The following CDHR2 variants were observed in gnomAD, a reference collection of about 807,000 sequenced individuals.
The protein encoded by CDHR2 is cadherin related family member 2, also known as cadherin-related family member 2.
CDHR2 carries 104 observed loss-of-function variants against 138.6 expected under a neutral mutation model. That is an observed-to-expected ratio of 0.75 (90% CI 0.64 to 0.88). The LOEUF is 0.88. Ranked by LOEUF, CDHR2 falls within the 40% of genes least tolerant of loss-of-function variation. CDHR2 has a pLI of 0.00. For synonymous variants in CDHR2, 755 were observed against 742.8 expected (o/e 1.02, Z -0.27); for missense variants, 1,624 against 1,727.6 (o/e 0.94, Z 1.06).
At chr5:176,571,776 T>C (rs1758239963) in intron 6 of CDHR2, among the ~76,000 whole-genome samples, 1 of 152,058 alleles carries the variant, frequency 6.6e-6, no homozygotes, top group Admixed American at 6.6e-5. Context: ...GACCTCGTGA[T>C]CCGCACGCCT....
intron 3 of CDHR2, among the ~76,000 whole-genome samples, chr5:176,566,428 G>T (rs1758081778): frequency 6.6e-6 from 1 of 152,208 alleles, no homozygotes; most frequent in African/African-American, 2.4e-5. Flanking sequence ...TTCCCAGAAG[G>T]CAGGATATAG....
upstream of CDHR2, among the ~76,000 whole-genome samples, chr5:176,549,018 G>A (rs979227322): frequency 1.3e-5 from 2 of 152,164 alleles, no homozygotes; most frequent in African/African-American, 2.4e-5. Flanking sequence ...CTGAAGACTC[G>A]TAGCAGGGAG....
rs1387783742 is a variant in CDHR2, at chr5:176,553,252, G to A, written c.-16+3838G>A. ...AAAACCCAGGAGCCTAGAAAAGAGA[G>A]AAGGCACAGGCCTGGCTTGGGTTCT... On this transcript the variant is annotated intron_variant, in intron 1 of 31. Coordinates refer to ENST00000261944, the MANE Select transcript of CDHR2 (RefSeq NM_017675.6). This position sits in a 1 kb window ranked among gnomAD's most constrained non-coding sequence, Gnocchi z 4.3. 3.3e-5 allele frequency among the ~76,000 whole-genome samples: 5 copies of A among 152,208 alleles called. No individual in the cohort carries two copies. Among genetic ancestry groups the A allele is most frequent in the Non-Finnish European group, 5.9e-5 (4 of 68,040 alleles).
At chr5:176,542,517 G>A (rs973840681) in exon 1 of CDHR2, 2 of 152,182 alleles carry the variant, frequency 1.3e-5, no homozygotes, top group African/African-American at 4.8e-5. Context: ...CTGCAAAGGG[G>A]GCAGGAACCG....
chr5:176,566,622 TCTTCCCGCTCAGTGGCCCGA>T (rs1438530269), intron 3 of CDHR2, among the ~76,000 whole-genome samples: 70 of 152,164 alleles, frequency 4.6e-4, no homozygotes, highest in Non-Finnish European at 5.9e-4. Flanking sequence ...CACGCAGCCT[TCTTCCCGCTCAGTGGCCCGA>T]CTTCCCTAAG....
At chr5:176,592,488 ATGGTGGTGG>A (rs1183829184) in intron 30 of CDHR2, among the ~76,000 whole-genome samples, 2 of 119,722 alleles carry the variant, frequency 1.7e-5, no homozygotes, top group Admixed American at 1.6e-4. Context: ...GGTGATGGTG[ATGGTGGTGG>A]TGATAGTGAT....
At chr5:176,558,848 A>G (rs561542542) in intron 1 of CDHR2, among the ~76,000 whole-genome samples, 1 of 152,166 alleles carries the variant, frequency 6.6e-6, no homozygotes, top group Non-Finnish European at 1.5e-5. Context: ...ATGGTATCAT[A>G]AGTTCATCCC....
chr5:176,594,040 G>A (rs3811872), intron 31 of CDHR2, among the ~76,000 whole-genome samples: 1 of 152,014 alleles, frequency 6.6e-6, no homozygotes, highest in African/African-American at 2.4e-5. Flanking sequence ...CTGTGGCAGA[G>A]GCTGATGCTG....
chr5:176,564,582 G>A (rs1758039221), intron 1 of CDHR2, among the ~76,000 whole-genome samples: 1 of 152,144 alleles, frequency 6.6e-6, no homozygotes, highest in African/African-American at 2.4e-5. Flanking sequence ...ACAAGGGACG[G>A]CTTGCAACAT....
intron 1 of CDHR2, among the ~76,000 whole-genome samples, chr5:176,552,470 CT>C (rs1757728037): frequency 6.6e-6 from 1 of 152,218 alleles, no homozygotes; most frequent in Non-Finnish European, 1.5e-5. Context: ...GACCCAGGAC[CT>C]CCAAGGACCT....
In CDHR2 at chr5:176,575,282, C is replaced by T; in HGVS notation, c.624C>T (p.Asp208=). ...CACGGGTGGCCATCTCCCCGCAGGA[C>T]TTGGGCGGCATGTACCACAACACCT... ...AFYQLELKAC[D]LGGMYHNTFT... is the part of the protein sequence containing the mutation. Residue 208 remains aspartate, a splice_region_variant and synonymous_variant, in exon 9 of 32, where the codon GAC becomes GAT. Transcript: ENST00000261944. 6.2e-7 allele frequency: 1 copy of T among 1,614,226 alleles called. No homozygotes were observed. The highest frequency in any genetic ancestry group is 8.5e-7 in the Non-Finnish European group (1 of 1,180,038).
intron 31 of CDHR2, among the ~76,000 whole-genome samples, chr5:176,595,066 T>C (rs574669903): frequency 3.9e-5 from 6 of 152,170 alleles, no homozygotes; most frequent in Non-Finnish European, 8.8e-5. Context: ...TCTTCACCAG[T>C]AGACCTCTCT....
chr5:176,575,920 C>G (rs1340119041), intron 11 of CDHR2, 32 bp from the exon 12 acceptor site: 1 of 1,588,412 alleles, frequency 6.3e-7, no homozygotes, highest in Non-Finnish European at 8.6e-7. Context: ...AGCACTGGCT[C>G]TCTGCCCTCT....
rs138765940 is a variant in CDHR2 at position 176,576,026 on chromosome 5, C to G, written c.1035C>G (p.Asp345Glu). 9 of 1,614,004 alleles carry G rather than the reference C, an allele frequency of 5.6e-6. No homozygotes were observed. Among genetic ancestry groups the G allele is most frequent in the Non-Finnish European group, 7.6e-6 (9 of 1,180,014 alleles). Residue 345 changes from aspartate (D) to glutamate (E), a missense_variant, in exon 12 of 32, where the codon GAC becomes GAG. Coordinates refer to ENST00000261944, the MANE Select transcript of CDHR2 (RefSeq NM_017675.6). The surrounding 1 kb of genome is among the most constrained non-coding windows in gnomAD (Gnocchi z 4.5). The part of the protein sequence containing the change: ...VSIWVTVRVM[D>E]VNDHKPEFYN... ...TCTGGGTGACAGTGAGAGTGATGGA[C>G]GTCAATGACCACAAACCTGAGTTTT...
intron 1 of CDHR2, among the ~76,000 whole-genome samples, chr5:176,564,044 C>A (rs1488329790): frequency 1.3e-5 from 2 of 152,124 alleles, no homozygotes. Flanking sequence ...CAGTAAAAAG[C>A]CCTGTCTTAC....
intron 12 of CDHR2, 71 bp from the exon 13 acceptor site, chr5:176,577,328 T>C: frequency 6.6e-7 from 1 of 1,510,644 alleles, no homozygotes; most frequent in Non-Finnish European, 9.0e-7. Flanking sequence ...GATAGAAGCC[T>C]GGGGACTGGG....
chr5:176,584,402 G>C lies in CDHR2; in HGVS notation c.2129-8G>C, dbSNP rs1028258307. Reference sequence around the variant, plus strand: ...GGAGTCCTTCTGAGCTCTGCCCCTTGTCCACAGGAGTGCTAGTGGGCGTGG... The same window carrying C: ...GGAGTCCTTCTGAGCTCTGCCCCTTCTCCACAGGAGTGCTAGTGGGCGTGG... On this transcript the variant is annotated splice_region_variant and splice_polypyrimidine_tract_variant and intron_variant, in intron 18 of 31. Coordinates refer to ENST00000261944, the MANE Select transcript of CDHR2 (RefSeq NM_017675.6). The C allele has an allele frequency of 4.4e-6, 7 of 1,597,978 alleles. No homozygotes were observed. The highest frequency in any genetic ancestry group is 6.0e-6 in the Non-Finnish European group (7 of 1,170,294).
chr5:176,575,671 C>A (rs1027968095), intron 10 of CDHR2, 53 bp from the exon 11 acceptor site: 6 of 1,590,404 alleles, frequency 3.8e-6, no homozygotes, highest in Non-Finnish European at 4.3e-6. Flanking sequence ...CCTGGGGCTC[C>A]GTCAGAGCCA....
exon 1 of CDHR2, chr5:176,542,619 C>T (rs1179908226): frequency 2.0e-5 from 3 of 152,246 alleles, no homozygotes; most frequent in African/African-American, 7.2e-5. Flanking sequence ...CCCACTGTCC[C>T]TCCATCTTAC....
Sources: allele counts gnomAD v4.1 joint callset (sites outside exome capture counted in the v4.1 genomes callset), GRCh38; gene constraint gnomAD v4.1.1; non-coding constraint Gnocchi (gnomAD v3.1); transcripts MANE v1.5; gene names NCBI Gene and HGNC (gene_info 2026-07-23, HGNC 2026-07-21).